Variants in DGKG observed in about 807,000 individuals in gnomAD.
DGKG encodes diacylglycerol kinase gamma, also known as DAG kinase gamma.
Under a neutral mutation model 105.3 loss-of-function variants are expected in DGKG, and 78 were observed. That is an observed-to-expected ratio of 0.74 (90% CI 0.62 to 0.89). The LOEUF (loss-of-function observed/expected upper bound fraction) is 0.89, where lower values mean the gene tolerates loss of function less well. DGKG is among the 40% of genes least tolerant of loss of function. The probability of loss-of-function intolerance (pLI) is 0.00; values close to 1 mark genes in which losing one functional copy is unlikely to be tolerated. For missense variants in DGKG, 958 were observed against 1,020.1 expected, an observed-to-expected ratio of 0.94 and a Z score of 0.83; for synonymous variants, 346 against 367.1, an observed-to-expected ratio of 0.94 and a Z score of 0.66.
intron 10 of DGKG, among the ~76,000 whole-genome samples, chr3:186,273,294 T>G (rs1218717911): frequency 2.0e-5 from 3 of 149,724 alleles, no homozygotes; most frequent in Non-Finnish European, 4.4e-5. Flanking sequence ...TAGAACTTAA[T>G]GGGAATGAGA....
At chr3:186,267,485 G>A (rs187550262) in intron 13 of DGKG, 200 bp downstream of exon 13, 6 of 539,200 alleles carry the variant, frequency 1.1e-5, no homozygotes, top group East Asian at 6.3e-5. Context: ...ACAAACTCCC[G>A]CAAGACGTGT....
At chr3:186,161,392 G>A (rs1271113454) in intron 24 of DGKG, 18 of 1,398,572 alleles carry the variant, frequency 1.3e-5, no homozygotes, top group Middle Eastern at 2.7e-4. Context: ...TTTTGTGACC[G>A]GCGCTTCACA....
intron 14 of DGKG, among the ~76,000 whole-genome samples, chr3:186,263,054 G>A (rs1235409334): frequency 6.6e-6 from 1 of 151,864 alleles, no homozygotes; most frequent in Non-Finnish European, 1.5e-5. Flanking sequence ...TTGAACCTGG[G>A]AGGTGGAGGT....
At chr3:186,339,301 A>G (rs1207858175) in intron 1 of DGKG, among the ~76,000 whole-genome samples, 4 of 152,224 alleles carry the variant, frequency 2.6e-5, no homozygotes, top group African/African-American at 9.6e-5. Flanking sequence ...CATAAAAGCT[A>G]TAGTACTGAG....
chr3:186,204,759 G>T (rs1026207306), intron 21 of DGKG, among the ~76,000 whole-genome samples: 1 of 152,070 alleles, frequency 6.6e-6, no homozygotes, highest in Non-Finnish European at 1.5e-5. Flanking sequence ...GCTCATGTGC[G>T]AGAAACTCTC....
At position 186,288,885 on chromosome 3, in the gene DGKG, G is replaced by A. The variant is rs375099081; in HGVS notation, c.374-5C>T. On this transcript the variant is annotated splice_region_variant and splice_polypyrimidine_tract_variant and intron_variant, in intron 5 of 24. Coordinates refer to ENST00000265022, the MANE Select transcript of DGKG (RefSeq NM_001346.3). ...GCTTCTCAGCCATATTTGATTCTGC[G>A]ATGAACAAAAGGAAAACATCCAAGG... 376 of 1,546,470 alleles carry A rather than the reference G, an allele frequency of 2.4e-4. No individual in the cohort carries two copies. The highest frequency in any genetic ancestry group is 6.8e-4 in the East Asian group (29 of 42,820).
chr3:186,252,994 T>G (rs952264137), intron 18 of DGKG, 99 bp downstream of exon 18: 1 of 987,944 alleles, frequency 1.0e-6, no homozygotes, highest in Admixed American at 1.8e-5. Context: ...TGCTGCGGAA[T>G]GTGATCCATA....
In DGKG at chr3:186,260,528, A is replaced by G. The variant is rs768080132; in HGVS notation, c.1350-15T>C. 6.3e-7 allele frequency: 1 copy of G among 1,588,856 alleles called. No individual in the cohort carries two copies. Among genetic ancestry groups the G allele is most frequent in the South Asian group, 1.1e-5 (1 of 90,068 alleles). ...TCCGAAGAATTCTATGGAAAAAAAAAGAAAAGGAGGGAGAGAGAGAGACAG... is the reference window on the plus strand; with the variant it reads ...TCCGAAGAATTCTATGGAAAAAAAAGGAAAAGGAGGGAGAGAGAGAGACAG... On this transcript the variant is annotated splice_polypyrimidine_tract_variant and intron_variant, in intron 15 of 24. Coordinates refer to ENST00000265022, the MANE Select transcript of DGKG (RefSeq NM_001346.3).
At chr3:186,340,914 G>C (rs1726056625) in intron 1 of DGKG, among the ~76,000 whole-genome samples, 1 of 152,042 alleles carries the variant, frequency 6.6e-6, no homozygotes, top group South Asian at 2.1e-4. Context: ...TTCTGGGTAG[G>C]GGCTTCTTAA....
chr3:186,209,644 A>C (rs1467191714), intron 21 of DGKG, among the ~76,000 whole-genome samples: 1 of 151,976 alleles, frequency 6.6e-6, no homozygotes, highest in Non-Finnish European at 1.5e-5. Context: ...CCACGTTTAG[A>C]AGGTCCCTTA....
intron 7 of DGKG, among the ~76,000 whole-genome samples, chr3:186,282,650 C>A (rs747650622): frequency 5.3e-5 from 8 of 151,968 alleles, no homozygotes; most frequent in Non-Finnish European, 7.4e-5. Context: ...GTAGCTGGGA[C>A]TACAGGCGCC....
At position 186,302,492 on chromosome 3, in the gene DGKG, A is replaced by ATATACATATG. The variant is rs1560143569; in HGVS notation, c.145-4264_145-4263insCATATGTATA. Among the ~76,000 whole-genome samples, 3 of 9,722 alleles carry ATATACATATG rather than the reference A, an allele frequency of 3.1e-4. No homozygotes were observed. In the East Asian group the frequency reaches 3.3e-3, roughly 11 times the overall value. The allele number at this position is 9,722 out of a possible 152,430, so 6.4% of individuals were successfully genotyped here. ...TATATATATATATATATATATATAT[A>ATATACATATG]TATATATATATATACATATGTGTAT... On this transcript the variant is annotated intron_variant, in intron 3 of 24. Coordinates refer to ENST00000265022, the MANE Select transcript of DGKG (RefSeq NM_001346.3).
At chr3:186,209,093 C>CTTTTTTTTTTTTTTTTTTTTTTTT (rs34226259) in intron 21 of DGKG, among the ~76,000 whole-genome samples, 1 of 89,838 alleles carries the variant, frequency 1.1e-5, no homozygotes, top group African/African-American at 4.8e-5. Flanking sequence ...GTTTACTCTT[C>CTTTTTTTTTTTTTTTTTTTTTTTT]TTTTTTTTTT....
intron 22 of DGKG, among the ~76,000 whole-genome samples, chr3:186,171,809 T>G (rs1403449969): frequency 6.6e-6 from 1 of 152,096 alleles, no homozygotes; most frequent in Non-Finnish European, 1.5e-5. Flanking sequence ...GGTTTTTGCC[T>G]CTCTCCTTTA....
At chr3:186,315,006 GGT>G (rs1724747797) in intron 2 of DGKG, among the ~76,000 whole-genome samples, 1 of 152,034 alleles carries the variant, frequency 6.6e-6, no homozygotes, top group African/African-American at 2.4e-5. Context: ...TTAGGAAGAG[GGT>G]CAGTAGGCGG....
At chr3:186,229,544 C>T (rs1720032673) in intron 20 of DGKG, among the ~76,000 whole-genome samples, 1 of 152,328 alleles carries the variant, frequency 6.6e-6, no homozygotes, top group African/African-American at 2.4e-5. Flanking sequence ...TGCGCCAGGC[C>T]AGACATGCAG....
At chr3:186,164,708 T>A (rs1242215650) in intron 23 of DGKG, among the ~76,000 whole-genome samples, 190 bp downstream of exon 23, 1 of 152,210 alleles carries the variant, frequency 6.6e-6, no homozygotes, top group Non-Finnish European at 1.5e-5. Context: ...TGTCCTCCAG[T>A]TGATGTTTTA....
intron 22 of DGKG, among the ~76,000 whole-genome samples, chr3:186,180,624 T>C (rs1404290068): frequency 6.6e-6 from 1 of 152,128 alleles, no homozygotes; most frequent in East Asian, 1.9e-4. Flanking sequence ...AAATCTCCAC[T>C]GAATGGGAAA....
intron 21 of DGKG, among the ~76,000 whole-genome samples, chr3:186,204,689 A>G (rs951167730): frequency 6.6e-6 from 1 of 152,134 alleles, no homozygotes; most frequent in East Asian, 1.9e-4. Flanking sequence ...TTAGAATAAC[A>G]TAGTCATTTG....
Sources: gnomAD v4.1 joint callset for allele counts (sites outside exome capture counted in the v4.1 genomes callset) on GRCh38, gnomAD v4.1.1 for gene constraint, MANE v1.5 for transcripts, NCBI Gene and HGNC (gene_info 2026-07-23, HGNC 2026-07-21) for gene names.